GOLGA4: variants seen among roughly 807,000 people sequenced by gnomAD.
GOLGA4 encodes the protein golgin A4.
Under a neutral mutation model 265.9 loss-of-function variants are expected in GOLGA4, and 169 were observed. That is an observed-to-expected ratio of 0.64 (90% CI 0.56 to 0.72). GOLGA4 has a LOEUF of 0.72. Ranked by LOEUF, GOLGA4 falls within the 30% of genes least tolerant of loss-of-function variation. GOLGA4 has a pLI of 0.00. For synonymous variants in GOLGA4, 923 were observed against 855.8 expected (o/e 1.08, Z -1.37); for missense variants, 2,482 against 2,483.4 (o/e 1.00, Z 0.01).
rs770506566 is a variant in GOLGA4 at position 37,324,636 on chromosome 3, G to T, written c.2750G>T (p.Arg917Ile). Reference sequence around the variant, plus strand: ...AAGGAAAATATGATTTTACAAATGAGAGAAGGACAGAAGAAAGAAATTGAG... The same window carrying T: ...AAGGAAAATATGATTTTACAAATGATAGAAGGACAGAAGAAAGAAATTGAG... ...VEKENMILQMREGQKKEIEIL... is the reference protein window; with the variant it reads ...VEKENMILQMIEGQKKEIEIL... The change falls in exon 14 of 24, where the codon AGA (arginine) becomes ATA (isoleucine). Residue 917 changes from arginine to isoleucine, a missense_variant. Arg to Ile is a moderately conservative substitution (Grantham distance 97, BLOSUM62 -3). Transcript: ENST00000361924. 3.3e-5 allele frequency: 54 copies of T among 1,612,700 alleles called. No homozygotes were observed. In the South Asian group the frequency reaches 5.4e-4, roughly 16 times the overall value.
intron 5 of GOLGA4, among the ~76,000 whole-genome samples, chr3:37,292,940 A>G (rs147869082): frequency 1.2e-4 from 19 of 152,314 alleles, no homozygotes; most frequent in African/African-American, 4.6e-4. Context: ...TGTTGGGGCA[A>G]TGTGGGTGTT....
At chr3:37,281,898 G>T in intron 2 of GOLGA4, 60 bp from the exon 3 acceptor site, 2 of 1,109,638 alleles carry the variant, frequency 1.8e-6, no homozygotes, top group East Asian at 4.7e-5. Flanking sequence ...TGGTGATGGG[G>T]TAATGGAAGT....
rs1483997477 is a variant in GOLGA4, at chr3:37,327,700, G to A, written c.5814G>A (p.Glu1938=). 1 of 1,613,960 alleles carries A rather than the reference G, an allele frequency of 6.2e-7. No individual in the cohort carries two copies. The highest frequency in any genetic ancestry group is 8.5e-7 in the Non-Finnish European group (1 of 1,179,896). Residue 1938 remains glutamate, a synonymous_variant, in exon 14 of 24, where the codon GAG becomes GAA. Transcript: ENST00000361924. ...LEFKLAGAER[E]KQKLGKEIVR... ...TTAAATTAGCCGGGGCAGAACGGGA[G>A]AAACAGAAACTGGGCAAGGAGATTG...
rs776471669 is a variant in GOLGA4, at chr3:37,327,511, A to G, written c.5625A>G (p.Glu1875=). Residue 1875 remains glutamate, a synonymous_variant, in exon 14 of 24, where the codon GAA becomes GAG. Transcript: ENST00000361924. ...AAGAAGTACATAGAGTTGAAATGGA[A>G]GAGTTGACCTCAAAATATGAAAAAT... ...RQKEVHRVEM[E]ELTSKYEKLQ... is the part of the protein sequence containing the mutation. 10 of 1,613,162 alleles carry G rather than the reference A, an allele frequency of 6.2e-6. No individual in the cohort carries two copies. Among genetic ancestry groups the G allele is most frequent in the South Asian group, 1.1e-5 (1 of 91,042 alleles).
intron 9 of GOLGA4, among the ~76,000 whole-genome samples, chr3:37,300,780 A>G (rs925445974): frequency 5.3e-5 from 8 of 152,192 alleles, no homozygotes; most frequent in Non-Finnish European, 1.0e-4. Flanking sequence ...AAAATTTAAT[A>G]ATTTTAAAAT....
chr3:37,265,087 T>C (rs760820632), intron 2 of GOLGA4, among the ~76,000 whole-genome samples: 8 of 151,886 alleles, frequency 5.3e-5, no homozygotes, highest in African/African-American at 1.2e-4. Context: ...ACAGAACTTA[T>C]TCAGATTTTA....
At position 37,325,382 on chromosome 3, in the gene GOLGA4, G is replaced by T. The variant is rs560449109; in HGVS notation, c.3496G>T (p.Glu1166Ter). ...AGTTGAACTGAAGATGCTGGCAGAA[G>T]AAGATAAGCGGAAGGTTTCTGAGTT... ...QLVELKMLAE[E>*]DKRKVSELTS... The change falls in exon 14 of 24, where the codon GAA becomes TAA. Residue 1166 changes from glutamate to a stop codon, truncating the protein, a stop_gained. Transcript: ENST00000361924. LOFTEE classifies it high-confidence loss of function. The T allele has an allele frequency of 1.1e-5, 18 of 1,612,916 alleles. No homozygotes were observed. The highest frequency in any genetic ancestry group is 1.4e-5 in the Non-Finnish European group (17 of 1,179,624).
At chr3:37,364,152 C>A (rs1487744436) in intron 23 of GOLGA4, among the ~76,000 whole-genome samples, 1 of 152,088 alleles carries the variant, frequency 6.6e-6, no homozygotes, top group Non-Finnish European at 1.5e-5. Context: ...GAAAGTTTGC[C>A]TCTATTAATC....
chr3:37,294,867 G>T, intron 5 of GOLGA4, 112 bp from the exon 6 acceptor site: 1 of 601,680 alleles, frequency 1.7e-6, no homozygotes. Context: ...AATTATTGTT[G>T]CTGATACCTT....
At chr3:37,342,793 A>G (rs2097041114) in intron 20 of GOLGA4, among the ~76,000 whole-genome samples, 1 of 152,218 alleles carries the variant, frequency 6.6e-6, no homozygotes, top group Non-Finnish European at 1.5e-5. Context: ...CATATCCCAT[A>G]TTAGGTTAAG....
At chr3:37,357,194 C>T (rs1205536535) in intron 22 of GOLGA4, among the ~76,000 whole-genome samples, 1 of 152,092 alleles carries the variant, frequency 6.6e-6, no homozygotes. Context: ...ATTTATTCTT[C>T]CTGAAAGAAT....
intron 10 of GOLGA4, among the ~76,000 whole-genome samples, chr3:37,306,760 G>A (rs2096907693): frequency 6.6e-6 from 1 of 151,766 alleles, no homozygotes; most frequent in Non-Finnish European, 1.5e-5. Flanking sequence ...TGTTGCTAAA[G>A]TTAATATATT....
In GOLGA4 at chr3:37,325,013, G is replaced by A; in HGVS notation, c.3127G>A (p.Val1043Ile). Reference protein sequence around the residue: ...TEVHRRELNDVISIWEKKLNQ... With the variant: ...TEVHRRELNDIISIWEKKLNQ... ...GGTTCATCGACGAGAACTCAATGAT[G>A]TCATATCAATCTGGGAAAAGAAACT... Residue 1043 changes from valine (V) to isoleucine (I), a missense_variant, in exon 14 of 24, where the codon GTC (valine) becomes ATC (isoleucine). Coordinates refer to ENST00000361924, the MANE Select transcript of GOLGA4 (RefSeq NM_002078.5). 1 of 1,612,994 alleles carries A rather than the reference G, an allele frequency of 6.2e-7. No individual in the cohort carries two copies. Among genetic ancestry groups the A allele is most frequent in the Non-Finnish European group, 8.5e-7 (1 of 1,179,596 alleles).
intron 13 of GOLGA4, among the ~76,000 whole-genome samples, chr3:37,322,398 T>C (rs755023575): frequency 6.6e-5 from 10 of 152,224 alleles, no homozygotes; most frequent in Non-Finnish European, 1.3e-4. Flanking sequence ...TGTACGTTTT[T>C]TTAAAGGCCC....
intron 22 of GOLGA4, among the ~76,000 whole-genome samples, chr3:37,360,398 A>T (rs1696162379): frequency 6.6e-6 from 1 of 152,188 alleles, no homozygotes; most frequent in South Asian, 2.1e-4. Flanking sequence ...CAGAGAGGAT[A>T]TTAACCTCAT....
chr3:37,273,432 A>G (rs927308422), intron 2 of GOLGA4: 5 of 647,950 alleles, frequency 7.7e-6, no homozygotes, highest in Non-Finnish European at 1.1e-5. Flanking sequence ...TGTTTAATAG[A>G]TAAATGTATC....
Position 37,324,344 on chromosome 3 carries a change from C to G in GOLGA4, c.2458C>G (p.Gln820Glu). Reference sequence around the variant, plus strand: ...TGAGCAGACAAAAGCATATGAGGAACAGTTGGCCCAATTGCAGCAGAAGTT... The same window carrying G: ...TGAGCAGACAAAAGCATATGAGGAAGAGTTGGCCCAATTGCAGCAGAAGTT... ...THEQTKAYEE[Q>E]LAQLQQKLLD... Residue 820 changes from glutamine (Q) to glutamate (E), a missense_variant, in exon 14 of 24, where the codon CAG becomes GAG. Physicochemically the swap from Gln to Glu is conservative, Grantham distance 29. This residue lies in a region of GOLGA4 where 1,536 missense variants were observed against 1,483.7 expected (regional missense o/e 1.04). Coordinates refer to ENST00000361924, the MANE Select transcript of GOLGA4 (RefSeq NM_002078.5). 1 of 1,614,134 alleles carries G rather than the reference C, an allele frequency of 6.2e-7. No individual in the cohort carries two copies. The highest frequency in any genetic ancestry group is 8.5e-7 in the Non-Finnish European group (1 of 1,180,014).
intron 21 of GOLGA4, among the ~76,000 whole-genome samples, chr3:37,354,806 A>G (rs1341362775): frequency 6.6e-6 from 1 of 152,136 alleles, no homozygotes; most frequent in Admixed American, 6.5e-5. Flanking sequence ...TTTTAAAATG[A>G]ATATGTAATA....
chr3:37,350,457 T>C (rs1241015912), intron 21 of GOLGA4, among the ~76,000 whole-genome samples: 1 of 152,178 alleles, frequency 6.6e-6, no homozygotes, highest in Non-Finnish European at 1.5e-5. Flanking sequence ...TACTTGGAGC[T>C]TTATGTGGTG....
Sources: allele counts gnomAD v4.1 joint callset (sites outside exome capture counted in the v4.1 genomes callset), GRCh38; gene constraint gnomAD v4.1.1; regional missense constraint gnomAD v4.1.1; transcripts MANE v1.5; gene names NCBI Gene and HGNC (gene_info 2026-07-23, HGNC 2026-07-21).